Variants in GGT7 observed in about 807,000 individuals in gnomAD.
GGT7 encodes gamma-glutamyltransferase 7.
In GGT7, 30 loss-of-function variants were observed where a neutral mutation model predicts 69.2. The observed-to-expected ratio is 0.43, with a 90% CI of 0.32 to 0.59. The LOEUF (loss-of-function observed/expected upper bound fraction) is 0.59, where lower values mean the gene tolerates loss of function less well. Among genes scored for constraint, GGT7 ranks in the 20% least tolerant of loss-of-function variants. The pLI is 0.05. For synonymous variants in GGT7, 388 were observed against 391.8 expected (o/e 0.99, Z 0.12); for missense variants, 733 against 901.1 (o/e 0.81, Z 2.39).
At chr20:34,860,215 C>T (rs781600276) in intron 5 of GGT7, 39 bp downstream of exon 5, 1 of 1,487,166 alleles carries the variant, frequency 6.7e-7, no homozygotes, top group South Asian at 1.1e-5. Context: ...AGGAGAGATG[C>T]AAACGGGGGT....
chr20:34,850,816 G>A, intron 13 of GGT7: 2 of 530,006 alleles, frequency 3.8e-6, no homozygotes, highest in African/African-American at 1.9e-5. Context: ...ATATATATCA[G>A]GTTCTCAAGA....
chr20:34,861,418 ACT>A, intron 4 of GGT7, 25 bp downstream of exon 4: 1 of 1,205,364 alleles, frequency 8.3e-7, no homozygotes, highest in Non-Finnish European at 1.2e-6. Context: ...ACTCCCCTGA[ACT>A]CTCTCTTCTC....
intron 8 of GGT7, among the ~76,000 whole-genome samples, chr20:34,855,222 C>T (rs539280546): frequency 2.6e-5 from 4 of 152,180 alleles, no homozygotes; most frequent in Non-Finnish European, 5.9e-5. Flanking sequence ...ATCAGCAGAG[C>T]ACAGCAGAAA....
In GGT7 at chr20:34,852,478, T is replaced by C. The variant is rs891071056; in HGVS notation, c.1380A>G (p.Pro460=). The C allele has an allele frequency of 6.2e-7, 1 of 1,611,148 alleles. No individual in the cohort carries two copies. The highest frequency in any genetic ancestry group is 1.3e-5 in the African/African-American group (1 of 74,716). ...CGTCTAGTTCATAGACAGGCAGGAG[T>C]GGGGCAGGGGCTGCCTGGGAGTCAT... The part of the protein sequence containing the change: ...HINDSQAAPA[P]LLPVYELDGA... Residue 460 remains proline (P), a synonymous_variant, in exon 11 of 15, where the codon CCA becomes CCG. Coordinates refer to ENST00000336431, the MANE Select transcript of GGT7 (RefSeq NM_178026.3).
chr20:34,846,273 G>GCCCT (rs200104927), intron 14 of GGT7, among the ~76,000 whole-genome samples: 17,069 of 126,916 alleles, frequency 0.13, 1,179 homozygotes, highest in South Asian at 0.28. Flanking sequence ...CCTGCTTCCA[G>GCCCT]CCCTCCCTCC....
chr20:34,858,832 G>A (rs1403874155), intron 7 of GGT7, among the ~76,000 whole-genome samples: 1 of 152,152 alleles, frequency 6.6e-6, no homozygotes, highest in Non-Finnish European at 1.5e-5. Flanking sequence ...CCCTGCACAG[G>A]CTGGCATCAC....
Position 34,863,615 on chromosome 20 carries a change from A to G in GGT7, c.170-67T>C. 1 of 1,050,686 alleles carries G rather than the reference A, an allele frequency of 9.5e-7. No homozygotes were observed. Among genetic ancestry groups the G allele is most frequent in the Middle Eastern group, 2.0e-4 (1 of 5,014 alleles). 65.1% of individuals were successfully genotyped at this position (1,050,686 alleles called of 1,614,324 possible). ...TGGCCCTGCCCACCCTCCAGGTGGGACTATTCAGCGCTTTCCCTGCCCCGC... is the reference window on the plus strand; with the variant it reads ...TGGCCCTGCCCACCCTCCAGGTGGGGCTATTCAGCGCTTTCCCTGCCCCGC... On this transcript the variant is annotated intron_variant, in intron 1 of 14. Coordinates refer to ENST00000336431, the MANE Select transcript of GGT7 (RefSeq NM_178026.3). This position sits in a 1 kb window ranked among gnomAD's most constrained non-coding sequence, Gnocchi z 4.4.
At position 34,854,538 on chromosome 20, in the gene GGT7, T is replaced by G; in HGVS notation, c.1312A>C (p.Met438Leu). 2 of 1,606,254 alleles carry G rather than the reference T, an allele frequency of 1.2e-6. No individual in the cohort carries two copies. Among genetic ancestry groups the G allele is most frequent in the Non-Finnish European group, 1.7e-6 (2 of 1,173,062 alleles). ...DSTITESMDD[M>L]LSKVEAAYLR... ...GTCCTGCCCAAGACCCACCTGAGCA[T>G]GTCATCCATGCTCTCAGTGATGGTA... The change falls in exon 10 of 15, where the codon ATG (methionine) becomes CTG (leucine). Residue 438 changes from methionine to leucine, a missense_variant. Transcript: ENST00000336431.
chr20:34,872,546 G>T, intron 1 of GGT7, 101 bp downstream of exon 1: 2 of 761,468 alleles, frequency 2.6e-6, no homozygotes, highest in South Asian at 2.9e-5. Flanking sequence ...AGAAGATGGG[G>T]ATGAATTAAG....
intron 14 of GGT7, among the ~76,000 whole-genome samples, chr20:34,848,553 G>A (rs2079335557): frequency 1.3e-5 from 2 of 152,258 alleles, no homozygotes; most frequent in South Asian, 2.1e-4. Flanking sequence ...TTTCAAGGAT[G>A]TGGCCTTGTC....
Position 34,860,310 on chromosome 20 carries a change from C to T in GGT7, c.687G>A (p.Leu229=), listed in dbSNP as rs774771343. 2 of 1,613,632 alleles carry T rather than the reference C, an allele frequency of 1.2e-6. No individual in the cohort carries two copies. Among genetic ancestry groups the T allele is most frequent in the Non-Finnish European group, 1.7e-6 (2 of 1,179,784 alleles). Residue 229 remains leucine, a synonymous_variant, in exon 5 of 15, where the codon TTG becomes TTA. Transcript: ENST00000336431. ...CCTTCACCATTCCGGGAACCCCCAC[C>T]AAGAGCCCAGGCTGGGCAAGGCGGG... ...QRSWETKPGL[L]VGVPGMVKGL... is the part of the protein sequence containing the mutation.
At position 34,845,388 on chromosome 20, in the gene GGT7, G is replaced by A. The variant is rs770583276; in HGVS notation, c.1929C>T (p.Asn643=). Residue 643 remains asparagine, a synonymous_variant, in exon 15 of 15, where the codon AAC becomes AAT. Coordinates refer to ENST00000336431, the MANE Select transcript of GGT7 (RefSeq NM_178026.3). ...SWVHGSRRTN[N]FIIAVKDPRS... ...GAGGGTCCTTAACAGCGATGATGAA[G>A]TTGTTGGTCCTTCGGCTGCCATGGA... The A allele has an allele frequency of 6.2e-7, 1 of 1,614,174 alleles. No individual in the cohort carries two copies. Among genetic ancestry groups the A allele is most frequent in the South Asian group, 1.1e-5 (1 of 91,082 alleles).
intron 14 of GGT7, among the ~76,000 whole-genome samples, chr20:34,845,915 C>T (rs2079297704): frequency 6.6e-6 from 1 of 151,994 alleles, no homozygotes; most frequent in Non-Finnish European, 1.5e-5. Flanking sequence ...TAAAAATTAG[C>T]TGAGCGTGGT....
chr20:34,852,163 G>T lies in GGT7; in HGVS notation c.1579C>A (p.Pro527Thr), dbSNP rs1190129014. 1.9e-6 allele frequency: 3 copies of T among 1,603,530 alleles called. No homozygotes were observed. The highest frequency in any genetic ancestry group is 2.6e-6 in the Non-Finnish European group (3 of 1,170,298). ...WPNRTANHSA[P>T]SLENSVQPGK... ...AGGGAAGCAAATCCTACCAGGCTGG[G>T]TGCAGAGTGGTTAGCTGTCCGGTTG... The change falls in exon 12 of 15, where the codon CCC becomes ACC. Residue 527 changes from proline (P) to threonine (T), a missense_variant. Coordinates refer to ENST00000336431, the MANE Select transcript of GGT7 (RefSeq NM_178026.3).
At position 34,859,953 on chromosome 20, in the gene GGT7, C is replaced by T; in HGVS notation, c.817+16G>A. On this transcript the variant is annotated intron_variant, in intron 6 of 14. Coordinates refer to ENST00000336431, the MANE Select transcript of GGT7 (RefSeq NM_178026.3). ...ATCAACCTCATGTCTCTCCCAAATC[C>T]CCAGGCCCCACTGACCTAGATCATG... 2 of 1,516,014 alleles carry T rather than the reference C, an allele frequency of 1.3e-6. No individual in the cohort carries two copies. The highest frequency in any genetic ancestry group is 1.8e-6 in the Non-Finnish European group (2 of 1,112,582). 93.9% of individuals were successfully genotyped at this position (1,516,014 alleles called of 1,614,324 possible).
At chr20:34,849,623 G>A (rs866131438) in intron 14 of GGT7, among the ~76,000 whole-genome samples, 2 of 152,134 alleles carry the variant, frequency 1.3e-5, no homozygotes, top group Admixed American at 1.3e-4. Context: ...GCCTGTAAAT[G>A]CAGAATCCCC....
chr20:34,851,676 T>A (rs1407624644), intron 12 of GGT7, among the ~76,000 whole-genome samples: 2 of 152,192 alleles, frequency 1.3e-5, no homozygotes, highest in Admixed American at 1.3e-4. Context: ...CCCACCCTGA[T>A]CATCTCTATG....
chr20:34,847,253 G>T (rs578129418), intron 14 of GGT7, among the ~76,000 whole-genome samples: 11 of 152,226 alleles, frequency 7.2e-5, no homozygotes, highest in Non-Finnish European at 1.2e-4. Flanking sequence ...GATAAGTTCA[G>T]ACCCTCATCA....
chr20:34,853,132 A>G (rs2079426066), intron 10 of GGT7, among the ~76,000 whole-genome samples: 1 of 151,866 alleles, frequency 6.6e-6, no homozygotes, highest in Admixed American at 6.6e-5. Flanking sequence ...TTTAGTAGAG[A>G]CGGGGTTTCA....
Sources: gnomAD v4.1 joint callset for allele counts (sites outside exome capture counted in the v4.1 genomes callset) on GRCh38, gnomAD v4.1.1 for gene constraint, Gnocchi (gnomAD v3.1) non-coding constraint, MANE v1.5 for transcripts, NCBI Gene and HGNC (gene_info 2026-07-23, HGNC 2026-07-21) for gene names.